HS2ST1: variants seen among roughly 807,000 people sequenced by gnomAD.
The protein encoded by HS2ST1 is heparan sulfate 2-O-sulfotransferase 1.
In HS2ST1, 18 loss-of-function variants were observed where a neutral mutation model predicts 42.9. The observed-to-expected ratio is 0.42, with a 90% CI of 0.29 to 0.62. The LOEUF is 0.62. Ranked by LOEUF, HS2ST1 falls within the 20% of genes least tolerant of loss-of-function variation. The pLI is 0.21. For synonymous variants in HS2ST1, 146 were observed against 152.9 expected (o/e 0.95, Z 0.33); for missense variants, 334 against 433.8 (o/e 0.77, Z 2.04).
At position 87,091,049 on chromosome 1, in the gene HS2ST1, A is replaced by G. The variant is rs548588485; in HGVS notation, c.450-1482A>G. The stretch of plus-strand genomic sequence containing the variant: ...ATTTTTCTCCTTTGCACTTTTTACC[A>G]TCTGTTATATATGCTTATTTGTTTA... On this transcript the variant is annotated intron_variant, in intron 3 of 6. Transcript: ENST00000370550. Among the ~76,000 whole-genome samples the G allele has an allele frequency of 2.2e-4, 34 of 151,804 alleles. 1 individual carries two copies. Among genetic ancestry groups the G allele is most frequent in the Admixed American group, 3.9e-4 (6 of 15,200 alleles).
intron 1 of HS2ST1, among the ~76,000 whole-genome samples, chr1:86,973,839 T>G (rs1286183359): frequency 6.6e-6 from 1 of 152,192 alleles, no homozygotes; most frequent in African/African-American, 2.4e-5. Context: ...TTCATAAGTC[T>G]TAAGGTTTTA....
rs17129815 is a variant in HS2ST1 at position 87,109,157 on chromosome 1, T to C, written c.*4461T>C. 6.6e-6 allele frequency: 1 copy of C among 152,670 alleles called. No individual in the cohort carries two copies. The highest frequency in any genetic ancestry group is 2.4e-5 in the African/African-American group (1 of 41,578). 9.5% of individuals were successfully genotyped at this position (152,670 alleles called of 1,614,324 possible). On this transcript the variant is annotated 3_prime_UTR_variant, in exon 7 of 7. Transcript: ENST00000370550. Reference sequence around the variant, plus strand: ...TCAGTTGACTACCTGATGCAAAAGCTATAAAATAAACAGTGGGAAGGGGAA... The same window carrying C: ...TCAGTTGACTACCTGATGCAAAAGCCATAAAATAAACAGTGGGAAGGGGAA...
chr1:86,944,575 G>A (rs1305532154), intron 1 of HS2ST1, among the ~76,000 whole-genome samples: 2 of 151,886 alleles, frequency 1.3e-5, no homozygotes, highest in East Asian at 3.9e-4. Context: ...GGCTGGTCTC[G>A]AACTCCTGAC....
intron 3 of HS2ST1, among the ~76,000 whole-genome samples, chr1:87,088,043 G>A (rs1206377664): frequency 6.6e-6 from 1 of 152,022 alleles, no homozygotes; most frequent in Non-Finnish European, 1.5e-5. Flanking sequence ...AATGTAGATG[G>A]AGCACTTAGT....
intron 4 of HS2ST1, among the ~76,000 whole-genome samples, chr1:87,097,415 G>A (rs1250213425): frequency 1.3e-5 from 2 of 152,026 alleles, no homozygotes; most frequent in African/African-American, 4.8e-5. Context: ...TTTTTTTTGA[G>A]ACGGAGTCTT....
intron 1 of HS2ST1, among the ~76,000 whole-genome samples, chr1:86,977,720 A>G (rs985912079): frequency 7.8e-4 from 119 of 152,354 alleles, no homozygotes; most frequent in African/African-American, 2.7e-3. Flanking sequence ...TCTTCTTTCT[A>G]TTCTACTGGC....
At chr1:86,942,790 A>T (rs1660790447) in intron 1 of HS2ST1, among the ~76,000 whole-genome samples, 2 of 152,134 alleles carry the variant, frequency 1.3e-5, no homozygotes, top group African/African-American at 4.8e-5. Context: ...TATACTGTTT[A>T]TTTAAAACAC....
At chr1:87,038,842 A>C (rs1020611643) in intron 1 of HS2ST1, among the ~76,000 whole-genome samples, 1 of 152,186 alleles carries the variant, frequency 6.6e-6, no homozygotes, top group African/African-American at 2.4e-5. Flanking sequence ...ACTAAAAAAA[A>C]AATGGATTCT....
rs72955563 is a variant in HS2ST1 at position 87,068,674 on chromosome 1, A to G, written c.125-4260A>G. On this transcript the variant is annotated intron_variant, in intron 1 of 6. Coordinates refer to ENST00000370550, the MANE Select transcript of HS2ST1 (RefSeq NM_012262.4). ...CTTCCCAACACCTTTAAACTTAACT[A>G]TTAATAGCTTACTGTTGGCCAGAAG... Among the ~76,000 whole-genome samples the G allele has an allele frequency of 1.8e-3, 272 of 152,254 alleles. 1 individual carries two copies. The highest frequency in any genetic ancestry group is 5.9e-3 in the African/African-American group (244 of 41,550).
intron 1 of HS2ST1, among the ~76,000 whole-genome samples, chr1:86,935,442 TTTTC>T (rs1201821159): frequency 6.7e-6 from 1 of 150,318 alleles, no homozygotes; most frequent in Non-Finnish European, 1.5e-5. Context: ...GGTTTTGTAA[TTTTC>T]TTTTTCTCCT....
rs115781637 is a variant in HS2ST1 at position 87,093,536 on chromosome 1, T to G, written c.588+867T>G. 3.8e-3 allele frequency among the ~76,000 whole-genome samples: 581 copies of G among 152,182 alleles called. 3 individuals carry two copies. The highest frequency in any genetic ancestry group is 0.037 in the South Asian group (179 of 4,826). ...TCTCTTTCAGGGCTCCCAGAGCACT[T>G]CATTCAAAGCTCTCTTTTAAGCATT... On this transcript the variant is annotated intron_variant, in intron 4 of 6. Coordinates refer to ENST00000370550, the MANE Select transcript of HS2ST1 (RefSeq NM_012262.4).
intron 1 of HS2ST1, among the ~76,000 whole-genome samples, chr1:86,982,666 C>G (rs1648631803): frequency 1.3e-5 from 2 of 152,156 alleles, no homozygotes; most frequent in South Asian, 4.2e-4. Context: ...AAGCGCCCAC[C>G]ACCACGCCCG....
At chr1:86,973,437 C>G (rs1404250368) in intron 1 of HS2ST1, among the ~76,000 whole-genome samples, 1 of 152,078 alleles carries the variant, frequency 6.6e-6, no homozygotes, top group Non-Finnish European at 1.5e-5. Context: ...TGGCATTAGA[C>G]AGATCTGATT....
chr1:87,016,118 G>C (rs567735712), intron 1 of HS2ST1, among the ~76,000 whole-genome samples: 1 of 152,204 alleles, frequency 6.6e-6, no homozygotes, highest in East Asian at 1.9e-4. Context: ...CCCGGCCTTA[G>C]CTCTTTTTCT....
intron 1 of HS2ST1, among the ~76,000 whole-genome samples, chr1:86,949,398 C>T (rs984722345): frequency 4.6e-5 from 7 of 152,160 alleles, no homozygotes; most frequent in Admixed American, 1.3e-4. Context: ...TGTGAGCCAC[C>T]ATGCTCACCC....
intron 1 of HS2ST1, among the ~76,000 whole-genome samples, chr1:86,960,458 T>C (rs763981381): frequency 1.3e-5 from 2 of 152,200 alleles, no homozygotes; most frequent in African/African-American, 2.4e-5. Context: ...AAATAAAATA[T>C]GTACGTTTTG....
intron 1 of HS2ST1, among the ~76,000 whole-genome samples, chr1:86,923,863 A>T (rs1381552136): frequency 6.6e-6 from 1 of 152,266 alleles, no homozygotes; most frequent in South Asian, 2.1e-4. Context: ...AATCCATATC[A>T]TTCCACCCCT....
chr1:87,109,316 T>G lies in HS2ST1; in HGVS notation c.*4620T>G, dbSNP rs1002185381. The stretch of plus-strand genomic sequence containing the variant: ...TCAAGAAAGCATGCAACATCATTGG[T>G]TTCTAATGATTTTATGGCTTGTGAC... On this transcript the variant is annotated 3_prime_UTR_variant, in exon 7 of 7. Coordinates refer to ENST00000370550, the MANE Select transcript of HS2ST1 (RefSeq NM_012262.4). 6.6e-6 allele frequency: 1 copy of G among 152,128 alleles called. No homozygotes were observed. The highest frequency in any genetic ancestry group is 1.5e-5 in the Non-Finnish European group (1 of 67,990). The allele number at this position is 152,128 out of a possible 1,614,324, so 9.4% of individuals were successfully genotyped here. A position where few individuals can be genotyped will look rare whatever the true frequency, so the allele number is the denominator to read the frequency against.
chr1:86,977,704 A>G (rs1648459801), intron 1 of HS2ST1, among the ~76,000 whole-genome samples: 2 of 152,246 alleles, frequency 1.3e-5, no homozygotes. Context: ...TGTCAAATTT[A>G]TCAGGTCTTC....
Sources: gnomAD v4.1 joint callset for allele counts (sites outside exome capture counted in the v4.1 genomes callset) on GRCh38, gnomAD v4.1.1 for gene constraint, MANE v1.5 for transcripts, NCBI Gene and HGNC (gene_info 2026-07-23, HGNC 2026-07-21) for gene names.